The following CACNB2 variants were observed in gnomAD, a reference collection of about 807,000 sequenced individuals.
CACNB2 encodes voltage-dependent L-type calcium channel subunit beta-2.
CACNB2 carries 42 observed loss-of-function variants against 73.3 expected under a neutral mutation model. The ratio of observed to expected loss-of-function variants is 0.57; its 90% CI spans 0.45 to 0.74. CACNB2 has a LOEUF of 0.74. Ranked by LOEUF, CACNB2 falls within the 30% of genes least tolerant of loss-of-function variation. CACNB2 has a pLI of 0.00. For missense variants in CACNB2, 940 were observed against 853.0 expected (o/e 1.10, Z -1.27); for synonymous variants, 348 against 310.3 (o/e 1.12, Z -1.28).
At chr10:18,249,360 C>T (rs115643351) in intron 2 of CACNB2, among the ~76,000 whole-genome samples, 1 of 152,016 alleles carries the variant, frequency 6.6e-6, no homozygotes, top group Non-Finnish European at 1.5e-5. Context: ...TTTGTTTTTC[C>T]TTTCTTACCT....
At chr10:18,376,460 A>G (rs1220027343) in intron 2 of CACNB2, among the ~76,000 whole-genome samples, 1 of 152,234 alleles carries the variant, frequency 6.6e-6, no homozygotes, top group African/African-American at 2.4e-5. Context: ...GGATGACTAT[A>G]GCCAATAATT....
At chr10:18,201,228 G>C (rs1200672147) in intron 2 of CACNB2, among the ~76,000 whole-genome samples, 1 of 150,990 alleles carries the variant, frequency 6.6e-6, no homozygotes, top group Non-Finnish European at 1.5e-5. Context: ...CAAAACAGTA[G>C]TCCTGATCGA....
chr10:18,395,978 A>G (rs1589233544), intron 2 of CACNB2, among the ~76,000 whole-genome samples: 1 of 152,278 alleles, frequency 6.6e-6, no homozygotes, highest in East Asian at 1.9e-4. Context: ...TTATTTTGAG[A>G]CAGGGTCTCC....
At chr10:18,463,239 C>G (rs2047677848) in intron 3 of CACNB2, among the ~76,000 whole-genome samples, 1 of 152,076 alleles carries the variant, frequency 6.6e-6, no homozygotes, top group Admixed American at 6.6e-5. Flanking sequence ...TCCTCCTGTT[C>G]TTGGCCAGGC....
chr10:18,243,471 A>G (rs1049320494), intron 2 of CACNB2, among the ~76,000 whole-genome samples: 11 of 152,158 alleles, frequency 7.2e-5, no homozygotes, highest in African/African-American at 2.7e-4. Flanking sequence ...AGAGTTTAAG[A>G]GTGCTGTGGC....
intron 2 of CACNB2, among the ~76,000 whole-genome samples, chr10:18,378,672 G>A (rs773858347): frequency 6.6e-6 from 1 of 152,102 alleles, no homozygotes; most frequent in East Asian, 1.9e-4. Context: ...GATCGGTTCA[G>A]CCCAGAAGGC....
At chr10:18,464,418 T>TGAAAAAAAAAAAAAAAA in intron 3 of CACNB2, among the ~76,000 whole-genome samples, 1 of 85,298 alleles carries the variant, frequency 1.2e-5, no homozygotes, top group Non-Finnish European at 2.3e-5. Flanking sequence ...TCTCAAAAAT[T>TGAAAAAAAAAAAAAAAA]AAAAAAAAAA....
At chr10:18,527,387 A>G (rs1167433266) in intron 9 of CACNB2, among the ~76,000 whole-genome samples, 2 of 152,190 alleles carry the variant, frequency 1.3e-5, no homozygotes, top group Non-Finnish European at 2.9e-5. Flanking sequence ...AAAACAAACA[A>G]AAAACAAAGT....
At chr10:18,311,629 T>A (rs913900622) in intron 2 of CACNB2, among the ~76,000 whole-genome samples, 1 of 152,238 alleles carries the variant, frequency 6.6e-6, no homozygotes. Flanking sequence ...AATATATACT[T>A]ACTATTCATG....
chr10:18,213,019 G>A (rs1450283685), intron 2 of CACNB2, among the ~76,000 whole-genome samples: 1 of 152,198 alleles, frequency 6.6e-6, no homozygotes, highest in Non-Finnish European at 1.5e-5. Flanking sequence ...GGATGTAAGG[G>A]AATAGAGGAT....
intron 2 of CACNB2, among the ~76,000 whole-genome samples, chr10:18,184,757 A>G (rs1249481158): frequency 6.7e-6 from 1 of 150,034 alleles, no homozygotes; most frequent in African/African-American, 2.5e-5. Context: ...ATACAGGTGC[A>G]GGACATGCAG....
intron 2 of CACNB2, among the ~76,000 whole-genome samples, chr10:18,297,883 G>A (rs2039343265): frequency 6.6e-6 from 1 of 152,206 alleles, no homozygotes; most frequent in South Asian, 2.1e-4. Context: ...CTCCTGGGTT[G>A]GGCATCTAGC....
intron 2 of CACNB2, among the ~76,000 whole-genome samples, chr10:18,160,852 G>A (rs867154625): frequency 6.6e-6 from 1 of 152,158 alleles, no homozygotes; most frequent in Non-Finnish European, 1.5e-5. Flanking sequence ...ACATGCTGGA[G>A]AAGTCATTTT....
chr10:18,318,295 G>T (rs1042780976), intron 2 of CACNB2, among the ~76,000 whole-genome samples: 3 of 152,124 alleles, frequency 2.0e-5, no homozygotes, highest in Non-Finnish European at 2.9e-5. Context: ...CAATGGAATA[G>T]AATAGAGACC....
chr10:18,219,026 G>A (rs560134531), intron 2 of CACNB2, among the ~76,000 whole-genome samples: 13 of 152,252 alleles, frequency 8.5e-5, no homozygotes, highest in African/African-American at 2.9e-4. Flanking sequence ...TTAGCCAGGT[G>A]TAATGGTGTG....
At chr10:18,527,517 G>T in intron 9 of CACNB2, 71 bp from the exon 10 acceptor site, 1 of 894,396 alleles carries the variant, frequency 1.1e-6, no homozygotes, top group South Asian at 1.3e-5. Context: ...GATGAATTTG[G>T]GGCATACACT....
intron 6 of CACNB2, chr10:18,513,107 T>TTTTTC (rs202006084): frequency 0.046 from 7,014 of 153,378 alleles, 268 homozygotes; most frequent in Non-Finnish European, 0.074. Context: ...TAACCTTTTT[T>TTTTTC]TTTTTTTTTT....
intron 2 of CACNB2, among the ~76,000 whole-genome samples, chr10:18,232,261 A>G (rs889453462): frequency 6.6e-6 from 1 of 152,146 alleles, no homozygotes; most frequent in Non-Finnish European, 1.5e-5. Context: ...CTCATGACCA[A>G]TCTATTCACT....
At chr10:18,169,679 A>G (rs1214271416) in intron 2 of CACNB2, among the ~76,000 whole-genome samples, 1 of 152,150 alleles carries the variant, frequency 6.6e-6, no homozygotes, top group Non-Finnish European at 1.5e-5. Context: ...GGGAACTCAT[A>G]CTTCTTGGGT....
Sources: allele counts gnomAD v4.1 joint callset (sites outside exome capture counted in the v4.1 genomes callset), GRCh38; gene constraint gnomAD v4.1.1; transcripts MANE v1.5; gene names NCBI Gene and HGNC (gene_info 2026-07-23, HGNC 2026-07-21).